Variants in COL13A1 observed in about 807,000 individuals in gnomAD.
COL13A1 encodes collagen type XIII alpha 1 chain.
A neutral mutation model predicts 130.9 loss-of-function variants in COL13A1; 89 were observed. The observed-to-expected ratio is 0.68, with a 90% CI of 0.57 to 0.81. The LOEUF is 0.81. Among genes scored for constraint, COL13A1 ranks in the 30% least tolerant of loss-of-function variants. COL13A1 has a pLI of 0.00. For synonymous variants in COL13A1, 402 were observed against 341.6 expected (o/e 1.18, Z -1.95); for missense variants, 879 against 934.6 (o/e 0.94, Z 0.78).
chr10:69,897,660 A>C, intron 13 of COL13A1: 2 of 1,050,498 alleles, frequency 1.9e-6, no homozygotes, highest in East Asian at 2.7e-5. Context: ...ACTGCTGTCC[A>C]AGAAGGCAGC....
intron 38 of COL13A1, among the ~76,000 whole-genome samples, chr10:69,951,385 G>A (rs910740380): frequency 6.6e-6 from 1 of 151,606 alleles, no homozygotes; most frequent in Non-Finnish European, 1.5e-5. Flanking sequence ...TTTCAGACAG[G>A]GTCTTGCTTT....
At chr10:69,944,549 C>T (rs1441007379) in intron 36 of COL13A1, among the ~76,000 whole-genome samples, 2 of 151,920 alleles carry the variant, frequency 1.3e-5, no homozygotes, top group African/African-American at 4.8e-5. Context: ...GTCCTAGCTA[C>T]TTGGGAGGCT....
At chr10:69,911,613 A>G (rs2063389319) in intron 17 of COL13A1, among the ~76,000 whole-genome samples, 1 of 152,222 alleles carries the variant, frequency 6.6e-6, no homozygotes, top group Non-Finnish European at 1.5e-5. Context: ...CATGAATGGA[A>G]GGAAAGGAGG....
chr10:69,936,292 C>A (rs866130126), intron 32 of COL13A1, among the ~76,000 whole-genome samples: 4 of 152,110 alleles, frequency 2.6e-5, no homozygotes, highest in African/African-American at 7.2e-5. Flanking sequence ...CCCCAAGCAC[C>A]CTGAAGCAAC....
At chr10:69,816,885 G>A (rs563918105) in intron 1 of COL13A1, among the ~76,000 whole-genome samples, 8 of 152,176 alleles carry the variant, frequency 5.3e-5, no homozygotes, top group Admixed American at 3.9e-4. Flanking sequence ...AGGAGGCAGC[G>A]AAGATTGTCA....
In COL13A1 at chr10:69,802,560, G is replaced by C. The variant is rs780656954; in HGVS notation, c.137G>C (p.Gly46Ala). ...GARLPSPGSC[G>A]LLTLALCSLA... ...CGGCTGCCGAGTCCAGGGTCGTGCG[G>C]GCTGCTGACGCTGGCCCTCTGCTCG... The change falls in exon 1 of 41, where the codon GGG becomes GCG. Residue 46 changes from glycine (G) to alanine (A), a missense_variant. Around this residue, in one of 3 missense-constraint regions of COL13A1, gnomAD observed 715 missense variants for 721.0 expected, o/e 0.99. Coordinates refer to ENST00000645393, the MANE Select transcript of COL13A1 (RefSeq NM_001368882.1). 1 of 1,609,778 alleles carries C rather than the reference G, an allele frequency of 6.2e-7. No individual in the cohort carries two copies. Among genetic ancestry groups the C allele is most frequent in the South Asian group, 1.1e-5 (1 of 90,842 alleles).
At chr10:69,851,280 C>T (rs922540805) in intron 2 of COL13A1, among the ~76,000 whole-genome samples, 1 of 152,200 alleles carries the variant, frequency 6.6e-6, no homozygotes, top group Non-Finnish European at 1.5e-5. Flanking sequence ...TCAGGGAAAT[C>T]AGGAAGGGAG....
chr10:69,915,322 C>A (rs557491342), intron 17 of COL13A1, among the ~76,000 whole-genome samples: 133 of 152,306 alleles, frequency 8.7e-4, no homozygotes, highest in African/African-American at 3.0e-3. Flanking sequence ...CTAGAGCAAG[C>A]CTTGGGCTCT....
At chr10:69,932,909 G>A (rs2066309468) in intron 31 of COL13A1, among the ~76,000 whole-genome samples, 1 of 152,078 alleles carries the variant, frequency 6.6e-6, no homozygotes, top group Non-Finnish European at 1.5e-5. Flanking sequence ...GGCTGAGGCA[G>A]GCGGATCACC....
intron 7 of COL13A1, among the ~76,000 whole-genome samples, chr10:69,885,509 G>T (rs537535040): frequency 6.6e-6 from 1 of 152,174 alleles, no homozygotes; most frequent in African/African-American, 2.4e-5. Context: ...CACTTGGTCC[G>T]TGACAACATT....
At chr10:69,862,894 G>T (rs1486421727) in intron 2 of COL13A1, among the ~76,000 whole-genome samples, 1 of 152,206 alleles carries the variant, frequency 6.6e-6, no homozygotes, top group African/African-American at 2.4e-5. Context: ...GTCAGGCACA[G>T]AGTACATACT....
intron 3 of COL13A1, among the ~76,000 whole-genome samples, chr10:69,871,566 C>T (rs532234700): frequency 6.6e-6 from 1 of 152,290 alleles, no homozygotes; most frequent in East Asian, 1.9e-4. Context: ...TTGACTTACT[C>T]CTGGTGCTGC....
chr10:69,856,900 C>CT (rs1252434992), intron 2 of COL13A1, among the ~76,000 whole-genome samples: 3 of 152,170 alleles, frequency 2.0e-5, no homozygotes, highest in Non-Finnish European at 2.9e-5. Context: ...CAAAATAGAG[C>CT]TGAGGGGTCA....
intron 2 of COL13A1, among the ~76,000 whole-genome samples, chr10:69,858,055 G>T (rs1054966640): frequency 3.4e-5 from 5 of 146,086 alleles, no homozygotes; most frequent in Non-Finnish European, 7.4e-5. Context: ...GGCAGAGGTT[G>T]CAGTGAGCCG....
chr10:69,864,999 C>T (rs774505604), intron 2 of COL13A1, among the ~76,000 whole-genome samples: 1 of 152,222 alleles, frequency 6.6e-6, no homozygotes, highest in Non-Finnish European at 1.5e-5. Flanking sequence ...GGTGCATGGG[C>T]GGAGTCCAGG....
Position 69,875,180 on chromosome 10 carries a change from G to A in COL13A1, c.435+17G>A. 1.9e-6 allele frequency: 3 copies of A among 1,613,972 alleles called. No individual in the cohort carries two copies. Among genetic ancestry groups the A allele is most frequent in the Middle Eastern group, 1.6e-4 (1 of 6,062 alleles). ...GGACGTGTGGTGAGTTGGCCCGTTT[G>A]TACCTGCTCAGGTGGCCATTGCTTG... On this transcript the variant is annotated intron_variant, in intron 5 of 40. Coordinates refer to ENST00000645393, the MANE Select transcript of COL13A1 (RefSeq NM_001368882.1).
At chr10:69,878,392 A>G (rs2059816396) in intron 6 of COL13A1, among the ~76,000 whole-genome samples, 1 of 152,126 alleles carries the variant, frequency 6.6e-6, no homozygotes, top group Non-Finnish European at 1.5e-5. Flanking sequence ...CCCCGAGGCT[A>G]TGGAATAGAG....
At chr10:69,885,277 T>C (rs1413646150) in intron 7 of COL13A1, among the ~76,000 whole-genome samples, 1 of 152,108 alleles carries the variant, frequency 6.6e-6, no homozygotes, top group Admixed American at 6.5e-5. Flanking sequence ...ATGACAAATA[T>C]GACTATCAAA....
At chr10:69,840,481 G>T (rs1011634025) in intron 2 of COL13A1, among the ~76,000 whole-genome samples, 1 of 152,202 alleles carries the variant, frequency 6.6e-6, no homozygotes, top group African/African-American at 2.4e-5. Flanking sequence ...CCTGGCTGAG[G>T]GGGGCCCTCT....
Sources: gnomAD v4.1 joint callset for allele counts (sites outside exome capture counted in the v4.1 genomes callset) on GRCh38, gnomAD v4.1.1 for gene constraint, gnomAD v4.1.1 regional missense constraint, MANE v1.5 for transcripts, NCBI Gene and HGNC (gene_info 2026-07-23, HGNC 2026-07-21) for gene names.